Variants in ANXA8 observed in about 807,000 individuals in gnomAD.
The protein encoded by ANXA8 is VAC-beta.
Under a neutral mutation model 26.8 loss-of-function variants are expected in ANXA8, and 9 were observed. The ratio of observed to expected loss-of-function variants is 0.34; its 90% CI spans 0.20 to 0.59. The LOEUF (loss-of-function observed/expected upper bound fraction) is 0.59. Among genes scored for constraint, ANXA8 ranks in the 20% least tolerant of loss-of-function variants. ANXA8 has a pLI of 0.84. For synonymous variants in ANXA8, 39 were observed against 94.8 expected, an observed-to-expected ratio of 0.41 and a Z score of 3.42; for missense variants, 83 against 238.5, an observed-to-expected ratio of 0.35 and a Z score of 4.29.
chr10:47,747,219 G>C, the ANXA8 span, among the ~76,000 whole-genome samples: 1 of 152,042 alleles, frequency 6.6e-6, no homozygotes, highest in Non-Finnish European at 1.5e-5. Context: ...AGAGTCTTCA[G>C]CTGGAGAGAC....
At chr10:47,672,061 CCTTT>C in the ANXA8 span, among the ~76,000 whole-genome samples, 1 of 151,076 alleles carries the variant, frequency 6.6e-6, no homozygotes, top group Non-Finnish European at 1.5e-5. Flanking sequence ...CTTCTACAGT[CCTTT>C]CTATTATGTT....
At chr10:47,511,184 C>G in the ANXA8 span, among the ~76,000 whole-genome samples, 2 of 138,144 alleles carry the variant, frequency 1.4e-5, no homozygotes, top group Non-Finnish European at 3.1e-5. Context: ...ACCTCGTGAT[C>G]TGCCTGCCTC....
At chr10:47,559,256 G>C in the ANXA8 span, among the ~76,000 whole-genome samples, 3 of 147,268 alleles carry the variant, frequency 2.0e-5, no homozygotes, top group African/African-American at 5.1e-5. Flanking sequence ...CTCATGAGTA[G>C]CTAGGAAATA....
chr10:47,706,161 C>T, the ANXA8 span: 1 of 590,158 alleles, frequency 1.7e-6, no homozygotes, highest in South Asian at 2.0e-5. Context: ...CCGCCGCCGC[C>T]GCGGTTGATG....
the ANXA8 span, among the ~76,000 whole-genome samples, chr10:47,577,766 G>T: frequency 1.2e-5 from 1 of 84,288 alleles, no homozygotes; most frequent in Non-Finnish European, 2.6e-5. Context: ...TTGGGAGGCC[G>T]AGGCGGGTGG....
chr10:47,970,690 T>C, the ANXA8 span, among the ~76,000 whole-genome samples: 2 of 151,526 alleles, frequency 1.3e-5, no homozygotes, highest in African/African-American at 4.8e-5. Flanking sequence ...AAGGCATTTC[T>C]ACAGTTTTAT....
At chr10:47,950,447 G>C in the ANXA8 span, among the ~76,000 whole-genome samples, 3 of 152,018 alleles carry the variant, frequency 2.0e-5, no homozygotes, top group Admixed American at 2.0e-4. Context: ...TAGGTGTAGT[G>C]TTCTATATCC....
At chr10:47,573,218 G>A in the ANXA8 span, among the ~76,000 whole-genome samples, 8 of 149,076 alleles carry the variant, frequency 5.4e-5, no homozygotes, top group South Asian at 2.1e-4. Context: ...TCTTGACCTC[G>A]TTATCCACCC....
the ANXA8 span, among the ~76,000 whole-genome samples, chr10:47,593,564 A>T: frequency 6.7e-6 from 1 of 149,810 alleles, no homozygotes; most frequent in Admixed American, 6.6e-5. Context: ...AGTTTGAGTT[A>T]TACCATCATA....
the ANXA8 span, chr10:47,690,903 T>C: frequency 1.9e-6 from 3 of 1,611,490 alleles, no homozygotes; most frequent in Non-Finnish European, 2.5e-6. Context: ...TTCAAGTAGC[T>C]AAGAAAATGA....
chr10:47,720,130 A>G, the ANXA8 span: 7 of 1,182,646 alleles, frequency 5.9e-6, no homozygotes, highest in East Asian at 1.4e-4. Context: ...TAGTCTGTAA[A>G]CTCTTACTTT....
the ANXA8 span, among the ~76,000 whole-genome samples, chr10:47,659,798 T>C: frequency 9.1e-4 from 136 of 149,328 alleles, 2 homozygotes; most frequent in Middle Eastern, 3.4e-3. Flanking sequence ...ACTCTGTGGC[T>C]GAGGCTGGGG....
the ANXA8 span, among the ~76,000 whole-genome samples, chr10:47,736,965 T>A: frequency 6.6e-6 from 1 of 151,774 alleles, no homozygotes; most frequent in Non-Finnish European, 1.5e-5. Context: ...TTAATTGAAT[T>A]ATTTTATTGC....
the ANXA8 span, among the ~76,000 whole-genome samples, chr10:47,952,059 C>T: frequency 6.6e-6 from 1 of 150,408 alleles, no homozygotes; most frequent in Non-Finnish European, 1.5e-5. Flanking sequence ...AATACTCATT[C>T]ACGATGTACT....
At chr10:47,649,546 C>T in the ANXA8 span, among the ~76,000 whole-genome samples, 1 of 151,138 alleles carries the variant, frequency 6.6e-6, no homozygotes, top group Non-Finnish European at 1.5e-5. Context: ...GTAGCTGGGA[C>T]TACAGGCACG....
the ANXA8 span, among the ~76,000 whole-genome samples, chr10:47,939,375 C>G: frequency 1.4e-5 from 2 of 141,588 alleles, no homozygotes; most frequent in Non-Finnish European, 3.0e-5. Context: ...AATACTTGAT[C>G]TTTGCAGCTT....
At chr10:47,763,504 C>G in the ANXA8 span, 1 of 621,162 alleles carries the variant, frequency 1.6e-6, no homozygotes, top group African/African-American at 2.0e-5. Context: ...GCGGCCCAGC[C>G]CCTGTTACGG....
chr10:47,776,230 T>C, the ANXA8 span, among the ~76,000 whole-genome samples: 69 of 150,342 alleles, frequency 4.6e-4, no homozygotes, highest in Non-Finnish European at 8.1e-4. Flanking sequence ...AAACCCATTT[T>C]TTCCCCCAAA....
chr10:47,900,622 A>G, the ANXA8 span, among the ~76,000 whole-genome samples: 4 of 143,896 alleles, frequency 2.8e-5, no homozygotes, highest in Non-Finnish European at 4.6e-5. Flanking sequence ...CTAAGTAATC[A>G]AAAACCTAAT....
Sources: allele counts gnomAD v4.1 joint callset (sites outside exome capture counted in the v4.1 genomes callset), GRCh38; gene constraint gnomAD v4.1.1; transcripts MANE v1.5; gene names NCBI Gene and HGNC (gene_info 2026-07-23, HGNC 2026-07-21).